Variants in CEACAM7 observed in about 807,000 individuals in gnomAD.
CEACAM7 encodes the protein cell adhesion molecule CEACAM7.
Under a neutral mutation model 25.7 loss-of-function variants are expected in CEACAM7, and 24 were observed. The observed-to-expected ratio is 0.93, with a 90% CI of 0.68 to 1.31. The LOEUF is 1.31. Ranked by LOEUF, CEACAM7 falls within the 40% of genes most tolerant of loss-of-function variation. CEACAM7 has a pLI of 0.00. For synonymous variants in CEACAM7, 144 were observed against 129.4 expected, an observed-to-expected ratio of 1.11 and a Z score of -0.77; for missense variants, 324 against 330.1, an observed-to-expected ratio of 0.98 and a Z score of 0.14.
At position 41,683,801 on chromosome 19, in the gene CEACAM7, G is replaced by A. The variant is rs935419319; in HGVS notation, c.690C>T (p.Val230=). The A allele has an allele frequency of 6.2e-7, 1 of 1,614,194 alleles. No homozygotes were observed. The stretch of plus-strand genomic sequence containing the variant: ...GATACTCACAGCGGACATTCAGGGT[G>A]ACTGGGTCACTGCGGCTGGCACCCA... ...NPVGASRSDP[V]TLNVRYESVQ... is the part of the protein sequence containing the mutation. Residue 230 remains valine (V), a synonymous_variant, in exon 3 of 5, where the codon GTC becomes GTT. Transcript: ENST00000401731.
At chr19:41,679,968 ATTTTTTTTTTTTTTTT>A (rs35163344) in intron 3 of CEACAM7, among the ~76,000 whole-genome samples, 1 of 68,900 alleles carries the variant, frequency 1.5e-5, no homozygotes. Flanking sequence ...CACCTGGCTA[ATTTTTTTTTTTTTTTT>A]TTTTTTTTTT....
intron 3 of CEACAM7, among the ~76,000 whole-genome samples, chr19:41,681,865 G>GT (rs531713760): frequency 1.3e-5 from 2 of 152,214 alleles, no homozygotes; most frequent in African/African-American, 4.8e-5. Flanking sequence ...GAGTGCAGAG[G>GT]TTTAGCATGG....
Position 41,674,169 on chromosome 19 carries a change from G to T in CEACAM7, c.*607C>A, listed in dbSNP as rs1555809874. ...TCTGTTATCTGGCATCCCATAGCTGGGTTAAATTAAAACAGGGCGTGAGAA... is the reference window on the plus strand; with the variant it reads ...TCTGTTATCTGGCATCCCATAGCTGTGTTAAATTAAAACAGGGCGTGAGAA... On this transcript the variant is annotated 3_prime_UTR_variant, in exon 5 of 5. Coordinates refer to ENST00000401731, the MANE Select transcript of CEACAM7 (RefSeq NM_001291485.2). 2 of 152,176 alleles carry T rather than the reference G, an allele frequency of 1.3e-5. No homozygotes were observed. The highest frequency in any genetic ancestry group is 4.8e-5 in the African/African-American group (2 of 41,432). 9.4% of individuals were successfully genotyped at this position (152,176 alleles called of 1,614,324 possible). A position where few individuals can be genotyped will look rare whatever the true frequency, so the allele number is the denominator to read the frequency against.
chr19:41,684,844 G>A (rs147387450), intron 2 of CEACAM7, among the ~76,000 whole-genome samples: 4 of 152,204 alleles, frequency 2.6e-5, no homozygotes, highest in African/African-American at 9.7e-5. Flanking sequence ...TCAGCAAAAT[G>A]GAGGAAATCC....
At chr19:41,684,096 G>A (rs200780923) in intron 2 of CEACAM7, 33 bp from the exon 3 acceptor site, 81 of 1,560,852 alleles carry the variant, frequency 5.2e-5, no homozygotes, top group Non-Finnish European at 6.6e-5. Flanking sequence ...AGATTGCCCT[G>A]TGTGGCCCCT....
chr19:41,688,030 G>A (rs782031229), intron 1 of CEACAM7, 72 bp downstream of exon 1: 56 of 1,387,246 alleles, frequency 4.0e-5, no homozygotes, highest in East Asian at 7.5e-5. Context: ...TCAGAGCCCC[G>A]TCCTCCCAAG....
At position 41,678,461 on chromosome 19, in the gene CEACAM7, T is replaced by G. The variant is rs138839608; in HGVS notation, c.707-958A>C. On this transcript the variant is annotated intron_variant, in intron 3 of 4. Coordinates refer to ENST00000401731, the MANE Select transcript of CEACAM7 (RefSeq NM_001291485.2). The stretch of plus-strand genomic sequence containing the variant: ...TTCTGTTGCAATAATTTGGGCTTAA[T>G]TTCTCATCAGTCATCAGTCAACTCA... Among the ~76,000 whole-genome samples, 3 of 152,294 alleles carry G rather than the reference T, an allele frequency of 2.0e-5. No homozygotes were observed. In the East Asian group the frequency reaches 5.8e-4, roughly 29 times the overall value.
chr19:41,677,587 C>A, intron 3 of CEACAM7, 84 bp from the exon 4 acceptor site: 3 of 954,612 alleles, frequency 3.1e-6, no homozygotes, highest in South Asian at 2.9e-5. Context: ...AGCATGAAGT[C>A]GTTTCTATTT....
chr19:41,677,126 C>T (rs1177070129), intron 4 of CEACAM7, among the ~76,000 whole-genome samples: 1 of 152,176 alleles, frequency 6.6e-6, no homozygotes, highest in Non-Finnish European at 1.5e-5. Context: ...AAGAAGCTTT[C>T]ACAATGTATT....
In CEACAM7 at chr19:41,674,391, AG is replaced by A. The variant is rs2072093594; in HGVS notation, c.*384del. 1 of 154,398 alleles carries A rather than the reference AG, an allele frequency of 6.5e-6. No homozygotes were observed. Among genetic ancestry groups the A allele is most frequent in the African/African-American group, 2.4e-5 (1 of 41,484 alleles). 9.6% of individuals were successfully genotyped at this position (154,398 alleles called of 1,614,324 possible). On this transcript the variant is annotated 3_prime_UTR_variant, in exon 5 of 5. Coordinates refer to ENST00000401731, the MANE Select transcript of CEACAM7 (RefSeq NM_001291485.2). ...CACAAGGCGCTGATTGTGAAATTCTAGTTACAGCATTATCTTACCAAATTAA... is the reference window on the plus strand; with the variant it reads ...CACAAGGCGCTGATTGTGAAATTCTATTACAGCATTATCTTACCAAATTAA...
intron 4 of CEACAM7, among the ~76,000 whole-genome samples, chr19:41,676,804 T>G (rs1555810136): frequency 6.6e-6 from 1 of 152,104 alleles, no homozygotes; most frequent in African/African-American, 2.4e-5. Flanking sequence ...AACTAAGAAT[T>G]CTATGTGTAC....
At chr19:41,680,810 A>G (rs1555810608) in intron 3 of CEACAM7, among the ~76,000 whole-genome samples, 1 of 152,200 alleles carries the variant, frequency 6.6e-6, no homozygotes, top group Admixed American at 6.5e-5. Context: ...ATAAACCTAT[A>G]AAACTCTTAG....
At position 41,684,150 on chromosome 19, in the gene CEACAM7, A is replaced by T. The variant is rs1369188673; in HGVS notation, c.428-87T>A. On this transcript the variant is annotated intron_variant, in intron 2 of 4. Coordinates refer to ENST00000401731, the MANE Select transcript of CEACAM7 (RefSeq NM_001291485.2). ...CTTTCAATCAGAGTTGGCATCTCCC[A>T]CCTCTAAGCCCACTCAAGTCCTTAA... The T allele has an allele frequency of 1.7e-5, 25 of 1,446,184 alleles. 1 individual carries two copies. The highest frequency in any genetic ancestry group is 3.9e-4 in the Middle Eastern group (2 of 5,122). The allele number at this position is 1,446,184 out of a possible 1,614,324, so 89.6% of individuals were successfully genotyped here.
intron 4 of CEACAM7, among the ~76,000 whole-genome samples, chr19:41,675,999 T>A (rs1239692255): frequency 6.6e-6 from 1 of 152,330 alleles, no homozygotes; most frequent in Non-Finnish European, 1.5e-5. Context: ...GATTACTGAG[T>A]TCAGGGCATA....
At chr19:41,679,052 G>A (rs1438360457) in intron 3 of CEACAM7, among the ~76,000 whole-genome samples, 3 of 151,988 alleles carry the variant, frequency 2.0e-5, no homozygotes, top group Non-Finnish European at 4.4e-5. Context: ...AAAAACAATA[G>A]AGAAAAGCAA....
chr19:41,683,976 G>A lies in CEACAM7; in HGVS notation c.515C>T (p.Thr172Ile), dbSNP rs781868725. 14 of 1,614,098 alleles carry A rather than the reference G, an allele frequency of 8.7e-6. No individual in the cohort carries two copies. In the African/African-American group the frequency reaches 1.6e-4, roughly 18 times the overall value. The change falls in exon 3 of 5, where the codon ACT becomes ATT. Residue 172 changes from threonine to isoleucine, a missense_variant. Physicochemically the swap from Thr to Ile is moderately conservative, Grantham distance 89. Coordinates refer to ENST00000401731, the MANE Select transcript of CEACAM7 (RefSeq NM_001291485.2). ...DIVVLTCQPE[T>I]QNTTYLWWVN... ...CCACCACAGGTAGGTTGTGTTCTGA[G>A]TCTCAGGTTGACAGGTTAAAACCAC...
At chr19:41,684,483 T>A (rs918502485) in intron 2 of CEACAM7, among the ~76,000 whole-genome samples, 1 of 152,192 alleles carries the variant, frequency 6.6e-6, no homozygotes, top group Non-Finnish European at 1.5e-5. Context: ...GCCTTTTTTT[T>A]CCAAGGATAT....
intron 4 of CEACAM7, 35 bp from the exon 5 acceptor site, chr19:41,674,774 A>G (rs1453433157): frequency 5.9e-6 from 1 of 169,548 alleles, no homozygotes; most frequent in East Asian, 1.8e-4. Context: ...AAAACAAAAT[A>G]CAGGGCTACA....
chr19:41,677,959 G>T (rs1012079189), intron 3 of CEACAM7, among the ~76,000 whole-genome samples: 5 of 152,120 alleles, frequency 3.3e-5, no homozygotes, highest in Admixed American at 6.5e-5. Flanking sequence ...AGACTATTTT[G>T]CTCTGAAAGG....
Sources: allele counts gnomAD v4.1 joint callset (sites outside exome capture counted in the v4.1 genomes callset), GRCh38; gene constraint gnomAD v4.1.1; transcripts MANE v1.5; gene names NCBI Gene and HGNC (gene_info 2026-07-23, HGNC 2026-07-21).